ASB3: variants seen among roughly 807,000 people sequenced by gnomAD.
The protein encoded by ASB3 is ankyrin repeat and SOCS box containing 3.
ASB3 carries 41 observed loss-of-function variants against 54.5 expected under a neutral mutation model. The ratio of observed to expected loss-of-function variants is 0.75; its 90% CI spans 0.59 to 0.98. The LOEUF (loss-of-function observed/expected upper bound fraction) is 0.98, where lower values mean the gene tolerates loss of function less well. ASB3 is among the 50% of genes least tolerant of loss of function. The probability of loss-of-function intolerance (pLI) is 0.00; values close to 1 mark genes in which losing one functional copy is unlikely to be tolerated. For missense variants in ASB3, 733 were observed against 620.0 expected (o/e 1.18, Z -1.94); for synonymous variants, 266 against 221.2 (o/e 1.20, Z -1.80).
intron 3 of ASB3, among the ~76,000 whole-genome samples, chr2:53,741,632 A>C (rs954149794): frequency 6.6e-6 from 1 of 152,184 alleles, no homozygotes; most frequent in Non-Finnish European, 1.5e-5. Flanking sequence ...ATCTAGGTCT[A>C]TTCACTGCTA....
intron 2 of ASB3, among the ~76,000 whole-genome samples, chr2:53,761,860 T>C (rs1438451742): frequency 1.3e-5 from 2 of 152,206 alleles, no homozygotes; most frequent in African/African-American, 4.8e-5. Flanking sequence ...GACAAAGATA[T>C]ATACATAAGG....
At chr2:53,767,038 T>G (rs1673510045) in intron 1 of ASB3, among the ~76,000 whole-genome samples, 1 of 152,190 alleles carries the variant, frequency 6.6e-6, no homozygotes, top group African/African-American at 2.4e-5. Context: ...AATTTTAGGA[T>G]CCTTGACCCC....
At chr2:53,742,158 G>A (rs891757847) in intron 3 of ASB3, among the ~76,000 whole-genome samples, 1 of 152,148 alleles carries the variant, frequency 6.6e-6, no homozygotes, top group African/African-American at 2.4e-5. Flanking sequence ...TACCACAAAT[G>A]GGAAACTGTA....
At chr2:53,726,361 A>C (rs1670992916) in intron 5 of ASB3, among the ~76,000 whole-genome samples, 1 of 151,082 alleles carries the variant, frequency 6.6e-6, no homozygotes, top group African/African-American at 2.4e-5. Context: ...CCTGGGTTTA[A>C]GCAATTCTCC....
At chr2:53,671,794 T>C (rs529238292) in intron 9 of ASB3, among the ~76,000 whole-genome samples, 6 of 122,810 alleles carry the variant, frequency 4.9e-5, no homozygotes, top group African/African-American at 1.8e-4. Flanking sequence ...TGATAGCAGT[T>C]TCATTTTCCA....
chr2:53,708,826 G>A (rs1297224959), intron 7 of ASB3, among the ~76,000 whole-genome samples: 1 of 152,178 alleles, frequency 6.6e-6, no homozygotes, highest in East Asian at 1.9e-4. Flanking sequence ...GGTACCTGGT[G>A]GAAGAAACTT....
rs559871783 is a variant in ASB3, at chr2:53,769,885, G to A, written c.-13-4300C>T. Among the ~76,000 whole-genome samples the A allele has an allele frequency of 1.6e-4, 25 of 152,276 alleles. 1 individual carries two copies. In the South Asian group the frequency reaches 5.2e-3, roughly 32 times the overall value. ...AAAAGGTGTCTTTCTGATCACCTAA[G>A]ACTCAGAATTCTAACTGCACTTAAT... On this transcript the variant is annotated intron_variant, in intron 1 of 9. Coordinates refer to ENST00000263634, the MANE Select transcript of ASB3 (RefSeq NM_016115.5).
At chr2:53,673,783 A>G (rs1667942964) in intron 9 of ASB3, among the ~76,000 whole-genome samples, 1 of 152,232 alleles carries the variant, frequency 6.6e-6, no homozygotes, top group East Asian at 1.9e-4. Flanking sequence ...TAAAAAAGGA[A>G]AAGTATAGCT....
chr2:53,757,810 G>A (rs1672919817), intron 2 of ASB3, among the ~76,000 whole-genome samples: 1 of 152,150 alleles, frequency 6.6e-6, no homozygotes, highest in Non-Finnish European at 1.5e-5. Flanking sequence ...TGGCTAGGAG[G>A]ATTGCTCTCT....
chr2:53,733,528 G>A (rs1386580291), intron 3 of ASB3, among the ~76,000 whole-genome samples: 1 of 151,002 alleles, frequency 6.6e-6, no homozygotes, highest in Non-Finnish European at 1.5e-5. Flanking sequence ...AGCAACCTCT[G>A]TCTCCTGGGT....
chr2:53,770,539 T>A lies in ASB3; in HGVS notation c.-13-4954A>T, dbSNP rs557427605. 3.3e-3 allele frequency among the ~76,000 whole-genome samples: 493 copies of A among 148,458 alleles called. 4 individuals are homozygous for A. Among genetic ancestry groups the A allele is most frequent in the African/African-American group, 0.012 (473 of 40,444 alleles). ...AAAAAAAAAAGCTTGCAGGCACTGA[T>A]AGGTGTCACCTTTGTGCCTTAAATT... On this transcript the variant is annotated intron_variant, in intron 1 of 9. Transcript: ENST00000263634.
intron 3 of ASB3, among the ~76,000 whole-genome samples, chr2:53,744,218 T>C (rs1394992677): frequency 2.9e-5 from 4 of 139,130 alleles, no homozygotes; most frequent in Non-Finnish European, 6.3e-5. Context: ...CTACTAAAAA[T>C]ACAAAAAAAA....
In ASB3 at chr2:53,670,419, T is replaced by C; in HGVS notation, c.*84A>G. 2.1e-6 allele frequency: 3 copies of C among 1,399,562 alleles called. No homozygotes were observed. Among genetic ancestry groups the C allele is most frequent in the Non-Finnish European group, 2.8e-6 (3 of 1,053,670 alleles). The allele number at this position is 1,399,562 out of a possible 1,614,324, so 86.7% of individuals were successfully genotyped here. The stretch of plus-strand genomic sequence containing the variant: ...CAATAATCATCTTTTGACTATAAAA[T>C]CATAAAAACTTGTACTCTGTGGCTC... On this transcript the variant is annotated 3_prime_UTR_variant, in exon 10 of 10. Transcript: ENST00000263634.
intron 3 of ASB3, among the ~76,000 whole-genome samples, chr2:53,734,183 C>T (rs528953142): frequency 1.8e-3 from 280 of 152,306 alleles, no homozygotes; most frequent in Admixed American, 4.3e-3. Flanking sequence ...GGCCAGTTTT[C>T]GGGCCAGTTT....
chr2:53,786,730 A>G (rs1331565616), intron 1 of ASB3, 91 bp downstream of exon 1: 3 of 158,046 alleles, frequency 1.9e-5, no homozygotes, highest in African/African-American at 7.2e-5. Context: ...TCTTCCCGCT[A>G]TCACTCCGTG....
intron 2 of ASB3, among the ~76,000 whole-genome samples, chr2:53,753,053 A>G (rs1672610423): frequency 6.6e-6 from 1 of 152,184 alleles, no homozygotes; most frequent in Admixed American, 6.5e-5. Context: ...TTTAAAAAAA[A>G]AAAATCAACC....
intron 5 of ASB3, 132 bp downstream of exon 5, chr2:53,728,580 C>T (rs948043656): frequency 8.3e-7 from 1 of 1,200,630 alleles, no homozygotes; most frequent in Non-Finnish European, 1.1e-6. Context: ...TTTGTATTTA[C>T]TCTTATTTAC....
At chr2:53,742,540 G>A (rs1006051012) in intron 3 of ASB3, among the ~76,000 whole-genome samples, 3 of 152,090 alleles carry the variant, frequency 2.0e-5, no homozygotes, top group African/African-American at 4.8e-5. Flanking sequence ...AGTTAAGGAA[G>A]CAATTGTCTC....
In ASB3 at chr2:53,719,994, A is replaced by C. The variant is rs570117631; in HGVS notation, c.605-3251T>G. On this transcript the variant is annotated intron_variant, in intron 5 of 9. Coordinates refer to ENST00000263634, the MANE Select transcript of ASB3 (RefSeq NM_016115.5). ...TTCTATTCCTAAAAAATAGCTACTAAGATTAGAAAAAGTTACGTACCTCCC... is the reference window on the plus strand; with the variant it reads ...TTCTATTCCTAAAAAATAGCTACTACGATTAGAAAAAGTTACGTACCTCCC... Among the ~76,000 whole-genome samples, 4 of 152,290 alleles carry C rather than the reference A, an allele frequency of 2.6e-5. No homozygotes were observed. In the South Asian group the frequency reaches 8.3e-4, roughly 32 times the overall value.
Sources: allele counts gnomAD v4.1 joint callset (sites outside exome capture counted in the v4.1 genomes callset), GRCh38; gene constraint gnomAD v4.1.1; transcripts MANE v1.5; gene names NCBI Gene and HGNC (gene_info 2026-07-23, HGNC 2026-07-21).